Variants in TOR1A observed in about 807,000 individuals in gnomAD.
TOR1A encodes the protein torsin family 1 member A, also known as torsin-1A.
In TOR1A, 18 loss-of-function variants were observed where a neutral mutation model predicts 31.4. That is an observed-to-expected ratio of 0.57 (90% CI 0.40 to 0.85). TOR1A has a LOEUF of 0.85. Ranked by LOEUF, TOR1A falls within the 40% of genes least tolerant of loss-of-function variation. The pLI is 0.00. For synonymous variants in TOR1A, 168 were observed against 165.9 expected (o/e 1.01, Z -0.10); for missense variants, 375 against 416.4 (o/e 0.90, Z 0.87).
intron 4 of TOR1A, among the ~76,000 whole-genome samples, chr9:129,817,818 T>C (rs928205817): frequency 1.7e-4 from 16 of 94,972 alleles, no homozygotes; most frequent in South Asian, 6.4e-4. Context: ...CTGGGAAACA[T>C]AGGAAGACCC....
At chr9:129,815,384 G>T (rs2031009944) in intron 4 of TOR1A, among the ~76,000 whole-genome samples, 3 of 152,244 alleles carry the variant, frequency 2.0e-5, no homozygotes, top group African/African-American at 7.2e-5. Context: ...TCTGTGCCAG[G>T]CACGCCCTGG....
chr9:129,815,908 C>T (rs531251871), intron 4 of TOR1A, among the ~76,000 whole-genome samples: 3 of 152,268 alleles, frequency 2.0e-5, no homozygotes, highest in South Asian at 2.1e-4. Context: ...ACCGCTTCCA[C>T]GCTGGGCTCC....
rs2031261427 is a variant in TOR1A, at chr9:129,824,008, C to A, written c.78G>T (p.Leu26=). Residue 26 remains leucine (L), a synonymous_variant, in exon 1 of 5, where the codon CTG becomes CTT. Transcript: ENST00000351698. ...TGAGGACGCCGGCCAGGGCCAGTCC[C>A]AGGCTGATGGGCTCCACCGCCTGCA... ...SVVQAVEPIS[L]GLALAGVLTG... is the part of the protein sequence containing the mutation. 6.2e-7 allele frequency: 1 copy of A among 1,610,742 alleles called. No homozygotes were observed. Among genetic ancestry groups the A allele is most frequent in the Non-Finnish European group, 8.5e-7 (1 of 1,179,376 alleles).
At chr9:129,822,905 T>G in intron 1 of TOR1A, 59 bp from the exon 2 acceptor site, 3 of 1,612,912 alleles carry the variant, frequency 1.9e-6, no homozygotes, top group Non-Finnish European at 2.5e-6. Flanking sequence ...TGTAGCCACA[T>G]TTACAGCCCA....
intron 3 of TOR1A, 27 bp downstream of exon 3, chr9:129,818,718 T>A: frequency 6.2e-7 from 1 of 1,613,784 alleles, no homozygotes; most frequent in Non-Finnish European, 8.5e-7. Context: ...TCGGGGCCCA[T>A]CCATCATGTC....
At chr9:129,815,385 C>A (rs1240488549) in intron 4 of TOR1A, among the ~76,000 whole-genome samples, 1 of 152,248 alleles carries the variant, frequency 6.6e-6, no homozygotes, top group Non-Finnish European at 1.5e-5. Context: ...CTGTGCCAGG[C>A]ACGCCCTGGG....
At chr9:129,816,807 C>T (rs1385013619) in intron 4 of TOR1A, among the ~76,000 whole-genome samples, 3 of 152,212 alleles carry the variant, frequency 2.0e-5, no homozygotes, top group Non-Finnish European at 4.4e-5. Flanking sequence ...AGAAACTATC[C>T]AACATGTTAC....
chr9:129,822,738 A>G lies in TOR1A; in HGVS notation c.287T>C (p.Leu96Pro), dbSNP rs2031216194. 1 of 1,614,170 alleles carries G rather than the reference A, an allele frequency of 6.2e-7. No individual in the cohort carries two copies. Among genetic ancestry groups the G allele is most frequent in the African/African-American group, 1.3e-5 (1 of 75,034 alleles). Residue 96 changes from leucine to proline, a missense_variant, in exon 2 of 5, where the codon CTC becomes CCC. Coordinates refer to ENST00000351698, the MANE Select transcript of TOR1A (RefSeq NM_000113.3). ...TGTCCACCCGTGCAGGGAGAGCGTG[A>G]GAGGTTTCTTGGGCTTTGGGTTGTT... ...FINNPKPKKP[L>P]TLSLHGWTGT...
chr9:129,822,485 A>T (rs761805848), intron 2 of TOR1A, 96 bp downstream of exon 2: 11 of 1,528,762 alleles, frequency 7.2e-6, no homozygotes, highest in Non-Finnish European at 9.9e-6. Context: ...TTCCGGGCTC[A>T]CTCATTTCAA....
intron 4 of TOR1A, chr9:129,818,186 C>T: frequency 2.6e-6 from 1 of 385,242 alleles, no homozygotes; most frequent in Non-Finnish European, 5.0e-6. Context: ...ACCTGTAATC[C>T]CAGCTACTCA....
At chr9:129,814,615 T>G (rs1332578898) in intron 4 of TOR1A, among the ~76,000 whole-genome samples, 1 of 151,390 alleles carries the variant, frequency 6.6e-6, no homozygotes, top group Non-Finnish European at 1.5e-5. Flanking sequence ...CAGCAGAAGC[T>G]GTGACAGCCC....
chr9:129,818,440 G>T, intron 4 of TOR1A, 80 bp downstream of exon 4: 1 of 1,601,454 alleles, frequency 6.2e-7, no homozygotes, highest in South Asian at 1.1e-5. Context: ...AGGTGATGCT[G>T]ACAGTGACCC....
In TOR1A at chr9:129,818,715, C is replaced by T. The variant is rs2031104176; in HGVS notation, c.620+30G>A. The T allele has an allele frequency of 5.0e-6, 8 of 1,613,836 alleles. No homozygotes were observed. The East Asian group carries it at 8.9e-5, about 18-fold the overall frequency. ...GAGCTCAGAGGCTTGGGCTCGGGGC[C>T]CATCCATCATGTCCTAGCCCTGACC... On this transcript the variant is annotated intron_variant, in intron 3 of 4. Transcript: ENST00000351698.
intron 1 of TOR1A, 27 bp downstream of exon 1, chr9:129,823,881 C>T: frequency 6.5e-7 from 1 of 1,527,824 alleles, no homozygotes; most frequent in Non-Finnish European, 8.8e-7. Context: ...GCCCCAGCCC[C>T]AGCCTCCAGC....
intron 4 of TOR1A, among the ~76,000 whole-genome samples, chr9:129,815,022 CCTCCTGGG>C (rs2031000460): frequency 6.6e-6 from 1 of 152,220 alleles, no homozygotes; most frequent in African/African-American, 2.4e-5. Flanking sequence ...CCCGTCCACT[CCTCCTGGG>C]CTCCTGGAAC....
chr9:129,814,259 C>T (rs1236249094), intron 4 of TOR1A, 37 bp from the exon 5 acceptor site: 2 of 1,613,538 alleles, frequency 1.2e-6, no homozygotes, highest in South Asian at 1.1e-5. Flanking sequence ...CATCCACATC[C>T]ACCCACCTGC....
chr9:129,815,614 A>G (rs921971565), intron 4 of TOR1A, among the ~76,000 whole-genome samples: 6 of 152,194 alleles, frequency 3.9e-5, no homozygotes, highest in African/African-American at 1.4e-4. Context: ...GACCTCAGGC[A>G]GCCCTGAGAC....
At chr9:129,822,997 C>G (rs985294416) in intron 1 of TOR1A, 151 bp from the exon 2 acceptor site, 1 of 1,148,128 alleles carries the variant, frequency 8.7e-7, no homozygotes, top group Non-Finnish European at 1.3e-6. Context: ...GCTCCTGGCC[C>G]AGAGGGGACG....
At position 129,812,983 on chromosome 9, in the gene TOR1A, A is replaced by T. The variant is rs989802429; in HGVS notation, c.*989T>A. 9 of 152,234 alleles carry T rather than the reference A, an allele frequency of 5.9e-5. No homozygotes were observed. The highest frequency in any genetic ancestry group is 4.6e-4 in the Admixed American group (7 of 15,272). The allele number at this position is 152,234 out of a possible 1,614,324, so 9.4% of individuals were successfully genotyped here. ...TTATTGTAAAACGGTAGCCATTTGC[A>T]TTTATAAAGAAAGACACCGTTCTCA... is the stretch of plus-strand genomic sequence containing the variant. On this transcript the variant is annotated 3_prime_UTR_variant, in exon 5 of 5. Transcript: ENST00000351698.
Sources: gnomAD v4.1 joint callset for allele counts (sites outside exome capture counted in the v4.1 genomes callset) on GRCh38, gnomAD v4.1.1 for gene constraint, MANE v1.5 for transcripts, NCBI Gene and HGNC (gene_info 2026-07-23, HGNC 2026-07-21) for gene names.